Variants in EPHA6 observed in about 807,000 individuals in gnomAD.
EPHA6 encodes the protein EPH receptor A6.
In EPHA6, 50 loss-of-function variants were observed where a neutral mutation model predicts 112.0. That is an observed-to-expected ratio of 0.45 (90% confidence interval 0.36 to 0.56). The LOEUF (loss-of-function observed/expected upper bound fraction) is 0.56, where lower values mean the gene tolerates loss of function less well. EPHA6 is among the 20% of genes least tolerant of loss of function. EPHA6 has a pLI of 0.00. For synonymous variants in EPHA6, 529 were observed against 490.7 expected, an observed-to-expected ratio of 1.08 and a Z score of -1.03; for missense variants, 1,280 against 1,417.4, an observed-to-expected ratio of 0.90 and a Z score of 1.56.
At chr3:97,549,589 A>C (rs1476618183) in intron 11 of EPHA6, among the ~76,000 whole-genome samples, 1 of 152,174 alleles carries the variant, frequency 6.6e-6, no homozygotes, top group Non-Finnish European at 1.5e-5. Context: ...CCAGACACAG[A>C]AATGTAGCTC....
At chr3:97,389,969 G>C (rs2086303758) in intron 5 of EPHA6, among the ~76,000 whole-genome samples, 2 of 152,112 alleles carry the variant, frequency 1.3e-5, no homozygotes, top group Admixed American at 1.3e-4. Context: ...CATGTAGTAA[G>C]TGATTTGTGA....
At chr3:97,349,645 A>G (rs935339030) in intron 5 of EPHA6, among the ~76,000 whole-genome samples, 1 of 152,090 alleles carries the variant, frequency 6.6e-6, no homozygotes, top group Admixed American at 6.6e-5. Context: ...CCTACCACAC[A>G]GCCTTCTCTT....
chr3:97,723,698 TG>T (rs903517288), intron 15 of EPHA6, among the ~76,000 whole-genome samples: 2 of 146,120 alleles, frequency 1.4e-5, no homozygotes, highest in Non-Finnish European at 3.1e-5. Context: ...GATGGAGGCC[TG>T]GGGGGTGAAA....
At chr3:96,907,927 A>T (rs1003501699) in intron 2 of EPHA6, among the ~76,000 whole-genome samples, 1 of 151,922 alleles carries the variant, frequency 6.6e-6, no homozygotes, top group Non-Finnish European at 1.5e-5. Flanking sequence ...GTTTTGAGAA[A>T]TTTATCGTTA....
At chr3:97,486,554 T>G (rs2091703846) in intron 10 of EPHA6, among the ~76,000 whole-genome samples, 1 of 152,134 alleles carries the variant, frequency 6.6e-6, no homozygotes, top group Admixed American at 6.5e-5. Context: ...CATCATAACA[T>G]GGTGGAAGGC....
At chr3:97,254,210 G>A (rs754708798) in intron 5 of EPHA6, among the ~76,000 whole-genome samples, 1 of 151,692 alleles carries the variant, frequency 6.6e-6, no homozygotes, top group Non-Finnish European at 1.5e-5. Context: ...TGTTTTTGAG[G>A]CAGAGTCTTG....
chr3:97,690,294 C>A (rs2032570705), intron 14 of EPHA6, among the ~76,000 whole-genome samples: 1 of 152,174 alleles, frequency 6.6e-6, no homozygotes, highest in South Asian at 2.1e-4. Context: ...TTCAGGACAT[C>A]CTGGCTAACA....
At chr3:97,322,326 C>T (rs574504060) in intron 5 of EPHA6, among the ~76,000 whole-genome samples, 2 of 152,076 alleles carry the variant, frequency 1.3e-5, no homozygotes, top group South Asian at 2.1e-4. Flanking sequence ...TTTCGTCATT[C>T]CTATACCCAC....
intron 3 of EPHA6, among the ~76,000 whole-genome samples, chr3:97,211,271 T>G (rs2077866432): frequency 6.6e-6 from 1 of 152,178 alleles, no homozygotes; most frequent in South Asian, 2.1e-4. Context: ...ATTACTTAGC[T>G]TCAGGTTCCT....
chr3:97,613,021 TC>T (rs1276044519), intron 13 of EPHA6, among the ~76,000 whole-genome samples: 2 of 151,972 alleles, frequency 1.3e-5, no homozygotes, highest in Non-Finnish European at 1.5e-5. Context: ...ATGGTGTGTG[TC>T]CCCTTTGCAC....
intron 15 of EPHA6, among the ~76,000 whole-genome samples, chr3:97,725,726 C>T (rs1188292031): frequency 1.3e-5 from 2 of 152,064 alleles, no homozygotes; most frequent in African/African-American, 4.8e-5. Flanking sequence ...TAGCAGCATA[C>T]TCAGCCACTA....
chr3:97,467,976 G>T (rs2091109896), intron 7 of EPHA6, among the ~76,000 whole-genome samples: 1 of 151,538 alleles, frequency 6.6e-6, no homozygotes, highest in African/African-American at 2.4e-5. Context: ...TTATTCCTGT[G>T]TCATTTGGCA....
intron 1 of EPHA6, among the ~76,000 whole-genome samples, chr3:96,851,475 A>C (rs1332804274): frequency 1.3e-5 from 2 of 152,148 alleles, no homozygotes; most frequent in Non-Finnish European, 2.9e-5. Context: ...GCTTTCTGAT[A>C]GGATACTGTG....
chr3:97,101,023 C>G (rs932194323), intron 3 of EPHA6, among the ~76,000 whole-genome samples: 1 of 151,882 alleles, frequency 6.6e-6, no homozygotes, highest in Non-Finnish European at 1.5e-5. Context: ...GAATGTAAAA[C>G]GACTTTATAA....
intron 1 of EPHA6, among the ~76,000 whole-genome samples, chr3:96,857,701 A>G (rs1192465366): frequency 1.3e-5 from 2 of 151,120 alleles, no homozygotes; most frequent in Non-Finnish European, 2.9e-5. Flanking sequence ...CTCATTATAG[A>G]CTACTCTGTT....
At chr3:97,119,585 T>G (rs983666878) in intron 3 of EPHA6, among the ~76,000 whole-genome samples, 4 of 151,838 alleles carry the variant, frequency 2.6e-5, no homozygotes, top group African/African-American at 7.3e-5. Flanking sequence ...AATCAGTAGC[T>G]TAAAAAGAAA....
At chr3:96,970,649 T>C (rs1397862419) in intron 2 of EPHA6, among the ~76,000 whole-genome samples, 1 of 152,096 alleles carries the variant, frequency 6.6e-6, no homozygotes, top group African/African-American at 2.4e-5. Flanking sequence ...ATCCCTGTTG[T>C]GGGAACATCC....
chr3:97,133,824 TC>T (rs1427927967), intron 3 of EPHA6, among the ~76,000 whole-genome samples: 4 of 152,106 alleles, frequency 2.6e-5, no homozygotes, highest in African/African-American at 9.6e-5. Flanking sequence ...AAAAGTGTCT[TC>T]TTCAGTAATT....
chr3:96,904,923 C>A (rs1322707797), intron 2 of EPHA6, among the ~76,000 whole-genome samples: 1 of 152,058 alleles, frequency 6.6e-6, no homozygotes, highest in Non-Finnish European at 1.5e-5. Context: ...TGGTAAAGGA[C>A]CTTGAAGCTA....
Sources: gnomAD v4.1 joint callset for allele counts (sites outside exome capture counted in the v4.1 genomes callset) on GRCh38, gnomAD v4.1.1 for gene constraint, MANE v1.5 for transcripts, NCBI Gene and HGNC (gene_info 2026-07-23, HGNC 2026-07-21) for gene names.